Variants in ZNF396 observed in about 807,000 individuals in gnomAD.
ZNF396 encodes zinc finger and SCAN domain-containing protein 14.
Under a neutral mutation model 20.5 loss-of-function variants are expected in ZNF396, and 14 were observed. The ratio of observed to expected loss-of-function variants is 0.68; its 90% CI spans 0.45 to 1.07. ZNF396 has a LOEUF of 1.07. Among genes scored for constraint, ZNF396 ranks in the 50% least tolerant of loss-of-function variants. The pLI is 0.00. For missense variants in ZNF396, 347 were observed against 390.1 expected (o/e 0.89, Z 0.93); for synonymous variants, 119 against 140.6 (o/e 0.85, Z 1.08).
Position 35,373,562 on chromosome 18 carries a change from C to T in ZNF396, c.456G>A (p.Lys152=), listed in dbSNP as rs759262254. 6.2e-7 allele frequency: 1 copy of T among 1,614,158 alleles called. No individual in the cohort carries two copies. Among genetic ancestry groups the T allele is most frequent in the South Asian group, 1.1e-5 (1 of 91,070 alleles). The change falls in exon 3 of 4, where the codon AAG becomes AAA. Residue 152 remains lysine, a synonymous_variant. Transcript: ENST00000589332. The part of the protein sequence containing the change: ...FGRRKDMIAE[K]LAPSEITEEL... ...CCTCAGTGATTTCTGAAGGTGCTAG[C>T]TTCTCTGCAATCATGTCCTTCCTTC...
Position 35,368,408 on chromosome 18 carries a change from C to A in ZNF396, c.*807G>T. The A allele has an allele frequency of 6.9e-7, 1 of 1,446,938 alleles. No homozygotes were observed. Among genetic ancestry groups the A allele is most frequent in the Non-Finnish European group, 9.2e-7 (1 of 1,092,464 alleles). The allele number at this position is 1,446,938 out of a possible 1,614,324, so 89.6% of individuals were successfully genotyped here. ...TCAGCCTAGTCTTGAAGTACATATT[C>A]TTTTGGGCCTCTGCAATCGCATGTT... On this transcript the variant is annotated 3_prime_UTR_variant, in exon 4 of 4. Transcript: ENST00000589332.
Position 35,373,597 on chromosome 18 carries a change from A to G in ZNF396, c.421T>C (p.Phe141Leu). Residue 141 changes from phenylalanine to leucine, a missense_variant, in exon 3 of 4, where the codon TTT becomes CTT. Physicochemically the swap from Phe to Leu is conservative, Grantham distance 22. Transcript: ENST00000589332. ...ATCATGTCCTTCCTTCGTCCAAAAAAGATCTAAAAACAGGAATAATTGAGG... is the reference window on the plus strand; with the variant it reads ...ATCATGTCCTTCCTTCGTCCAAAAAGGATCTAAAAACAGGAATAATTGAGG... ...ERELDGPKQI[F>L]FGRRKDMIAE... 1.9e-6 allele frequency: 3 copies of G among 1,613,868 alleles called. No individual in the cohort carries two copies.
rs764654556 is a variant in ZNF396 at position 35,369,559 on chromosome 18, C to T, written c.664G>A (p.Gly222Ser). 27 of 1,613,980 alleles carry T rather than the reference C, an allele frequency of 1.7e-5. No homozygotes were observed. The Admixed American group carries it at 2.0e-4, about 12-fold the overall frequency. ...CNVSNILHMN[G>S]SQSSTYRGTY... ...CCTCTATATGTGGAACTCTGGGAGC[C>T]ATTCATATGAAGGATATTGGAAACA... The change falls in exon 4 of 4, where the codon GGC (glycine) becomes AGC (serine). Residue 222 changes from glycine to serine, a missense_variant. Gly to Ser is a moderately conservative substitution (Grantham distance 56). Coordinates refer to ENST00000589332, the MANE Select transcript of ZNF396 (RefSeq NM_001322286.2).
chr18:35,374,232 C>T lies in ZNF396; in HGVS notation c.61G>A (p.Gly21Arg). Residue 21 changes from glycine to arginine, a missense_variant, in exon 2 of 4, where the codon GGG becomes AGG. Physicochemically the swap from Gly to Arg is moderately radical, Grantham distance 125 (BLOSUM62 -2). Coordinates refer to ENST00000589332, the MANE Select transcript of ZNF396 (RefSeq NM_001322286.2). The surrounding 1 kb of genome is among the most constrained non-coding windows in gnomAD (Gnocchi z 4.3). ...TCTTCCATCTTCTCTGTCAGAATCC[C>T]ATTACACTCCTCTGAAGTTTGTGTT... ...LLTQTSEECN[G>R]ILTEKMEEEE... is the part of the protein sequence containing the mutation. 2 of 1,614,194 alleles carry T rather than the reference C, an allele frequency of 1.2e-6. No individual in the cohort carries two copies. The highest frequency in any genetic ancestry group is 4.5e-5 in the East Asian group (2 of 44,886).
At chr18:35,377,077 G>A (rs1376716401) in intron 1 of ZNF396, among the ~76,000 whole-genome samples, 1 of 152,146 alleles carries the variant, frequency 6.6e-6, no homozygotes, top group Admixed American at 6.5e-5. Flanking sequence ...GAAGGACGAG[G>A]GGAAGGGGTG....
chr18:35,369,175 GA>G lies in ZNF396; in HGVS notation c.*39del. 6.7e-7 allele frequency: 1 copy of G among 1,489,978 alleles called. No individual in the cohort carries two copies. The highest frequency in any genetic ancestry group is 8.9e-7 in the Non-Finnish European group (1 of 1,121,890). 92.3% of individuals were successfully genotyped at this position (1,489,978 alleles called of 1,614,324 possible). ...TGCATCTGGTGTCTTCCCTTGTGCT[GA>G]AATAGCTCTGAGTAAATGCTTTGAT... On this transcript the variant is annotated 3_prime_UTR_variant, in exon 4 of 4. Coordinates refer to ENST00000589332, the MANE Select transcript of ZNF396 (RefSeq NM_001322286.2).
At position 35,369,203 on chromosome 18, in the gene ZNF396, C is replaced by T; in HGVS notation, c.*12G>A. On this transcript the variant is annotated 3_prime_UTR_variant, in exon 4 of 4. Coordinates refer to ENST00000589332, the MANE Select transcript of ZNF396 (RefSeq NM_001322286.2). ...ATAGCTCTGAGTAAATGCTTTGATT[C>T]CCTCATGATACTTATGGGACTTTTT... 6.5e-7 allele frequency: 1 copy of T among 1,530,608 alleles called. No individual in the cohort carries two copies. Among genetic ancestry groups the T allele is most frequent in the Non-Finnish European group, 8.8e-7 (1 of 1,140,020 alleles). The allele number at this position is 1,530,608 out of a possible 1,614,324, so 94.8% of individuals were successfully genotyped here.
intron 1 of ZNF396, among the ~76,000 whole-genome samples, chr18:35,375,079 G>A (rs529479214): frequency 6.6e-6 from 1 of 152,024 alleles, no homozygotes; most frequent in African/African-American, 2.4e-5. Context: ...AAGCACTTTT[G>A]TGTGACTTTT....
chr18:35,370,232 T>G (rs2045154678), intron 3 of ZNF396, among the ~76,000 whole-genome samples: 1 of 152,216 alleles, frequency 6.6e-6, no homozygotes, highest in Non-Finnish European at 1.5e-5. Flanking sequence ...TACCCACTGA[T>G]GAAAAACCTC....
At chr18:35,371,910 G>A (rs1051653194) in intron 3 of ZNF396, 2 of 152,182 alleles carry the variant, frequency 1.3e-5, no homozygotes, top group African/African-American at 4.8e-5. Flanking sequence ...ATATTCCAAA[G>A]TGACCTCAAT....
rs889764484 is a variant in ZNF396 at position 35,368,503 on chromosome 18, T to C, written c.*712A>G. The C allele has an allele frequency of 6.7e-6, 5 of 751,146 alleles. No individual in the cohort carries two copies. Among genetic ancestry groups the C allele is most frequent in the African/African-American group, 5.6e-5 (3 of 53,840 alleles). 46.5% of individuals were successfully genotyped at this position (751,146 alleles called of 1,614,324 possible). A position where few individuals can be genotyped will look rare whatever the true frequency, so the allele number is the denominator to read the frequency against. Reference sequence around the variant, plus strand: ...TTATTTTTATTTATTTATTTATTTATTTATTTATTTATTTTAAAGACGGAG... The same window carrying C: ...TTATTTTTATTTATTTATTTATTTACTTATTTATTTATTTTAAAGACGGAG... On this transcript the variant is annotated 3_prime_UTR_variant, in exon 4 of 4. Transcript: ENST00000589332.
In ZNF396 at chr18:35,367,024, A is replaced by G. The variant is rs562411445; in HGVS notation, c.*2191T>C. ...CAAAATACTTGATTTAGATTCTGCC[A>G]TCTTATTCACATAGAACCTAAGAAA... On this transcript the variant is annotated 3_prime_UTR_variant, in exon 4 of 4. Transcript: ENST00000589332. 10 of 152,360 alleles carry G rather than the reference A, an allele frequency of 6.6e-5. No homozygotes were observed. The highest frequency in any genetic ancestry group is 2.2e-4 in the African/African-American group (9 of 41,582). 9.4% of individuals were successfully genotyped at this position (152,360 alleles called of 1,614,324 possible). A position where few individuals can be genotyped will look rare whatever the true frequency, so the allele number is the denominator to read the frequency against.
chr18:35,373,419 C>T (rs780305436), intron 3 of ZNF396, 37 bp downstream of exon 3: 3 of 1,602,578 alleles, frequency 1.9e-6, no homozygotes, highest in East Asian at 2.2e-5. Flanking sequence ...AGAGGGCCCC[C>T]ACACCTTCCA....
In ZNF396 at chr18:35,369,589, A is replaced by C. The variant is rs140666989; in HGVS notation, c.634T>G (p.Cys212Gly). Residue 212 changes from cysteine to glycine, a missense_variant, in exon 4 of 4, where the codon TGC (cysteine) becomes GGC (glycine). Coordinates refer to ENST00000589332, the MANE Select transcript of ZNF396 (RefSeq NM_001322286.2). ...ATATGAAGGATATTGGAAACATTGCAATGCAGTTCTATGCCTAAAGAAGTC... is the reference window on the plus strand; with the variant it reads ...ATATGAAGGATATTGGAAACATTGCCATGCAGTTCTATGCCTAAAGAAGTC... Reference protein sequence around the residue: ...QKTSLGIELHCNVSNILHMNG... With the variant: ...QKTSLGIELHGNVSNILHMNG... 153 of 1,614,176 alleles carry C rather than the reference A, an allele frequency of 9.5e-5. No homozygotes were observed. In the African/African-American group the frequency reaches 1.8e-3, roughly 19 times the overall value.
At chr18:35,377,015 C>G (rs1440900659) in intron 1 of ZNF396, among the ~76,000 whole-genome samples, 3 of 152,134 alleles carry the variant, frequency 2.0e-5, no homozygotes, top group Admixed American at 2.0e-4. Flanking sequence ...CGGGGCGAAG[C>G]GGCAGGTGGC....
chr18:35,373,838 T>A (rs1277082721), intron 2 of ZNF396, 38 bp downstream of exon 2: 5 of 1,577,484 alleles, frequency 3.2e-6, no homozygotes, highest in Non-Finnish European at 4.3e-6. Flanking sequence ...TGCTCTTGAC[T>A]CAGCCTGGGG....
chr18:35,369,317 A>G lies in ZNF396; in HGVS notation c.906T>C (p.Thr302=). ...AILIQHRRTH[T]GEKPYKCHDC... ...CATGACACTTGTAGGGCTTCTCACC[A>G]GTATGGGTTCGTCGATGCTGAATCA... The change falls in exon 4 of 4, where the codon ACT becomes ACC. Residue 302 remains threonine, a synonymous_variant. Transcript: ENST00000589332. 6.2e-7 allele frequency: 1 copy of G among 1,614,246 alleles called. No homozygotes were observed. Among genetic ancestry groups the G allele is most frequent in the Non-Finnish European group, 8.5e-7 (1 of 1,180,042 alleles).
intron 2 of ZNF396, 89 bp downstream of exon 2, chr18:35,373,787 G>A: frequency 6.6e-7 from 1 of 1,525,338 alleles, no homozygotes; most frequent in Non-Finnish European, 8.8e-7. Context: ...TGTGCTGAGT[G>A]GGAATACAGT....
Position 35,374,368 on chromosome 18 carries a change from A to G in ZNF396, c.-72-4T>C. On this transcript the variant is annotated splice_region_variant and splice_polypyrimidine_tract_variant and intron_variant, in intron 1 of 3. Coordinates refer to ENST00000589332, the MANE Select transcript of ZNF396 (RefSeq NM_001322286.2). The surrounding 1 kb of genome is among the most constrained non-coding windows in gnomAD (Gnocchi z 4.3). ...GAAGCTGTCCTGATGGACACTCCTT[A>G]AATATGATTAAAGAAACAAGTGGAA... 7.3e-7 allele frequency: 1 copy of G among 1,365,896 alleles called. No individual in the cohort carries two copies. The highest frequency in any genetic ancestry group is 1.4e-5 in the South Asian group (1 of 73,006). The allele number at this position is 1,365,896 out of a possible 1,614,324, so 84.6% of individuals were successfully genotyped here.
Sources: allele counts gnomAD v4.1 joint callset (sites outside exome capture counted in the v4.1 genomes callset), GRCh38; gene constraint gnomAD v4.1.1; non-coding constraint Gnocchi (gnomAD v3.1); transcripts MANE v1.5; gene names NCBI Gene and HGNC (gene_info 2026-07-23, HGNC 2026-07-21).